COL28A1: variants seen among roughly 807,000 people sequenced by gnomAD.
COL28A1 encodes collagen type XXVIII alpha 1 chain.
COL28A1 carries 161 observed loss-of-function variants against 150.2 expected under a neutral mutation model. The observed-to-expected ratio is 1.07, with a 90% confidence interval of 0.94 to 1.22. COL28A1 has a LOEUF of 1.22. Ranked by LOEUF, COL28A1 falls within the 50% of genes most tolerant of loss-of-function variation. The pLI is 0.00. For missense variants in COL28A1, 1,617 were observed against 1,388.3 expected (o/e 1.16, Z -2.62); for synonymous variants, 552 against 469.7 (o/e 1.18, Z -2.26).
In COL28A1 at chr7:7,531,581, T is replaced by TAA; in HGVS notation, c.447_448insTT (p.Lys150LeufsTer5). 1 of 1,603,540 alleles carries TAA rather than the reference T, an allele frequency of 6.2e-7. No homozygotes were observed. Among genetic ancestry groups the TAA allele is most frequent in the East Asian group, 2.2e-5 (1 of 44,840 alleles). ...AGCAAAACCACTTTCACACCATCCTTACGCCCTTCTCTCTTAAGTAGCCTA... is the reference window on the plus strand; with the variant it reads ...AGCAAAACCACTTTCACACCATCCTTAAACGCCCTTCTCTCTTAAGTAGCCTA... On this transcript the variant is annotated frameshift_variant, in exon 3 of 35. Transcript: ENST00000399429. LOFTEE classifies it high-confidence loss of function.
intron 23 of COL28A1, among the ~76,000 whole-genome samples, chr7:7,435,648 T>G (rs2128316268): frequency 6.6e-6 from 1 of 152,340 alleles, no homozygotes; most frequent in South Asian, 2.1e-4. Context: ...CATCATATTT[T>G]ATTTAAAAAA....
chr7:7,460,684 G>A (rs1215173357), intron 15 of COL28A1, among the ~76,000 whole-genome samples: 1 of 152,286 alleles, frequency 6.6e-6, no homozygotes, highest in East Asian at 1.9e-4. Context: ...GCCCGGCCAA[G>A]TCAATGTTTT....
chr7:7,524,578 C>G (rs6964397), intron 3 of COL28A1, among the ~76,000 whole-genome samples: 149,824 of 152,352 alleles, frequency 0.98, 73,674 homozygotes, highest in East Asian at 1. Context: ...GTCATAATGA[C>G]AAAGCTCTCA....
chr7:7,419,013 C>T (rs1466608339), intron 26 of COL28A1, among the ~76,000 whole-genome samples: 1 of 152,180 alleles, frequency 6.6e-6, no homozygotes, highest in African/African-American at 2.4e-5. Flanking sequence ...GGCTCTAATT[C>T]ACTTCTGTGC....
At position 7,449,133 on chromosome 7, in the gene COL28A1, TAC is replaced by T. The variant is rs1258585126; in HGVS notation, c.1509+3184_1509+3185del. Among the ~76,000 whole-genome samples, 19 of 152,250 alleles carry T rather than the reference TAC, an allele frequency of 1.2e-4. No homozygotes were observed. In the East Asian group the frequency reaches 1.9e-3, roughly 15 times the overall value. The stretch of plus-strand genomic sequence containing the variant: ...CATTTATTATATGCCAATCAGATAA[TAC>T]AGTTATTAAAATAAAAGCAAAAATC... On this transcript the variant is annotated intron_variant, in intron 18 of 34. Coordinates refer to ENST00000399429, the MANE Select transcript of COL28A1 (RefSeq NM_001037763.3).
chr7:7,495,697 A>G (rs1352229984), intron 11 of COL28A1, among the ~76,000 whole-genome samples: 2 of 152,068 alleles, frequency 1.3e-5, no homozygotes, highest in Non-Finnish European at 2.9e-5. Context: ...CATCCACTTC[A>G]GTCCTCTACC....
intron 15 of COL28A1, among the ~76,000 whole-genome samples, chr7:7,469,475 G>T (rs958380729): frequency 1.3e-4 from 5 of 39,406 alleles, no homozygotes; most frequent in Non-Finnish European, 2.2e-4. Context: ...CAAACAAATG[G>T]AAGAACATTC....
intron 33 of COL28A1, among the ~76,000 whole-genome samples, chr7:7,370,273 G>A (rs1040806871): frequency 1.3e-5 from 2 of 152,172 alleles, no homozygotes; most frequent in Non-Finnish European, 2.9e-5. Context: ...ATGGCTTGGA[G>A]TGTGGGAGAG....
At chr7:7,389,306 T>C (rs889077894) in intron 27 of COL28A1, among the ~76,000 whole-genome samples, 1 of 152,196 alleles carries the variant, frequency 6.6e-6, no homozygotes, top group African/African-American at 2.4e-5. Flanking sequence ...CAGATGGTTG[T>C]AGATGTATAG....
In COL28A1 at chr7:7,531,773, A is replaced by G; in HGVS notation, c.256T>C (p.Ser86Pro). 1 of 1,607,032 alleles carries G rather than the reference A, an allele frequency of 6.2e-7. No homozygotes were observed. The highest frequency in any genetic ancestry group is 8.5e-7 in the Non-Finnish European group (1 of 1,173,558). ...DKIFQLTPGR[S>P]LEYDIKLAAL... ...GCCAGTTTGATGTCATATTCCAAGG[A>G]GCGACCAGGAGTCAATTGGAAAATC... The change falls in exon 3 of 35, where the codon TCC becomes CCC. Residue 86 changes from serine (S) to proline (P), a missense_variant. Physicochemically the swap from Ser to Pro is moderately conservative, Grantham distance 74 (BLOSUM62 -1). Coordinates refer to ENST00000399429, the MANE Select transcript of COL28A1 (RefSeq NM_001037763.3).
At chr7:7,350,633 G>A in the COL28A1 span, among the ~76,000 whole-genome samples, 1 of 139,996 alleles carries the variant, frequency 7.1e-6, no homozygotes, top group Non-Finnish European at 1.6e-5. Context: ...GCAGGGAGAT[G>A]TTCTGTTTTT....
At chr7:7,347,251 G>A in the COL28A1 span, among the ~76,000 whole-genome samples, 1 of 152,132 alleles carries the variant, frequency 6.6e-6, no homozygotes, top group South Asian at 2.1e-4. Flanking sequence ...ACCTGTTACA[G>A]CCTCCTTTGA....
intron 18 of COL28A1, among the ~76,000 whole-genome samples, chr7:7,447,589 C>T (rs537610427): frequency 2.0e-5 from 3 of 152,004 alleles, no homozygotes; most frequent in South Asian, 2.1e-4. Context: ...TATGACTATA[C>T]TCCATACAGT....
Position 7,436,395 on chromosome 7 carries a change from CT to C in COL28A1, c.1859del (p.Lys620ArgfsTer64). ...CAAAAAGAACATGAATAAAGCATAC[CT>C]TTGGTCCTCGAATAGAAAGTCCAGG... ...GEPGLSIRGP[K>X]GVQGPRGPVG... On this transcript the variant is annotated frameshift_variant and splice_region_variant, in exon 23 of 35. Coordinates refer to ENST00000399429, the MANE Select transcript of COL28A1 (RefSeq NM_001037763.3). LOFTEE classifies it high-confidence loss of function. 7.6e-7 allele frequency: 1 copy of C among 1,314,432 alleles called. No homozygotes were observed. The highest frequency in any genetic ancestry group is 1.1e-6 in the Non-Finnish European group (1 of 906,184). 81.4% of individuals were successfully genotyped at this position (1,314,432 alleles called of 1,614,324 possible).
chr7:7,345,461 A>G, the COL28A1 span, among the ~76,000 whole-genome samples: 16 of 152,192 alleles, frequency 1.1e-4, 1 homozygote, highest in African/African-American at 3.9e-4. Flanking sequence ...CTTCCAGTAG[A>G]TCCAAATTAC....
At chr7:7,391,978 G>A (rs985070394) in intron 27 of COL28A1, among the ~76,000 whole-genome samples, 10 of 151,562 alleles carry the variant, frequency 6.6e-5, no homozygotes, top group Admixed American at 2.0e-4. Context: ...CATTTAGCCC[G>A]TTTACAGTTA....
chr7:7,452,220 G>A, intron 18 of COL28A1, 99 bp downstream of exon 18: 2 of 1,513,118 alleles, frequency 1.3e-6, no homozygotes, highest in Non-Finnish European at 1.8e-6. Flanking sequence ...TGTAGAGTTA[G>A]ATAACACACA....
intron 27 of COL28A1, among the ~76,000 whole-genome samples, chr7:7,412,484 T>C (rs2128304689): frequency 6.6e-6 from 1 of 152,244 alleles, no homozygotes; most frequent in East Asian, 1.9e-4. Context: ...GTATTAGAAT[T>C]CTAGGCCTTG....
chr7:7,465,471 C>A (rs1432697421), intron 15 of COL28A1, among the ~76,000 whole-genome samples: 1 of 140,216 alleles, frequency 7.1e-6, no homozygotes, highest in African/African-American at 2.7e-5. Context: ...CGGAATCTCG[C>A]TGATTGCTAG....
Sources: allele counts gnomAD v4.1 joint callset (sites outside exome capture counted in the v4.1 genomes callset), GRCh38; gene constraint gnomAD v4.1.1; transcripts MANE v1.5; gene names NCBI Gene and HGNC (gene_info 2026-07-23, HGNC 2026-07-21).